The following NPAS3 variants were observed in gnomAD, a reference collection of about 807,000 sequenced individuals.
The protein encoded by NPAS3 is neuronal PAS domain protein 3, also known as neuronal PAS domain-containing protein 3.
A neutral mutation model predicts 73.1 loss-of-function variants in NPAS3; 14 were observed. The observed-to-expected ratio is 0.19, with a 90% CI of 0.13 to 0.30. NPAS3 has a LOEUF of 0.30. Among genes scored for constraint, NPAS3 ranks in the 10% least tolerant of loss-of-function variants. The pLI, the probability that NPAS3 is intolerant of heterozygous loss-of-function variation, is 1.00. For synonymous variants in NPAS3, 620 were observed against 541.5 expected (o/e 1.14, Z -2.01); for missense variants, 1,096 against 1,250.0 (o/e 0.88, Z 1.86).
chr14:33,364,068 T>C (rs1033004387), intron 3 of NPAS3, among the ~76,000 whole-genome samples: 5 of 152,156 alleles, frequency 3.3e-5, no homozygotes, highest in Admixed American at 3.3e-4. Flanking sequence ...TGTGACCCGT[T>C]CGGCAATAGT....
In NPAS3 at chr14:32,972,622, G is replaced by C. The variant is rs181632132; in HGVS notation, c.50+33256G>C. Among the ~76,000 whole-genome samples, 12 of 152,284 alleles carry C rather than the reference G, an allele frequency of 7.9e-5. No homozygotes were observed. In the South Asian group the frequency reaches 2.5e-3, roughly 32 times the overall value. Reference sequence around the variant, plus strand: ...ATGCTGAATCCAGCAGGTTGCCCCTGCTCACCCATTGCTCTCCCTCTTATT... The same window carrying C: ...ATGCTGAATCCAGCAGGTTGCCCCTCCTCACCCATTGCTCTCCCTCTTATT... On this transcript the variant is annotated intron_variant, in intron 1 of 11. Coordinates refer to ENST00000356141, the Ensembl canonical transcript of NPAS3.
chr14:33,175,228 G>T (rs1237902036), intron 2 of NPAS3, among the ~76,000 whole-genome samples: 1 of 152,058 alleles, frequency 6.6e-6, no homozygotes, highest in Non-Finnish European at 1.5e-5. Flanking sequence ...AAATGTTTTT[G>T]ACAAAGTTTT....
At chr14:33,388,457 A>T (rs1367011212) in intron 4 of NPAS3, among the ~76,000 whole-genome samples, 1 of 151,574 alleles carries the variant, frequency 6.6e-6, no homozygotes, top group Admixed American at 6.6e-5. Context: ...TGAAAAAAAA[A>T]TTAATTTGGA....
intron 2 of NPAS3, among the ~76,000 whole-genome samples, chr14:33,094,623 G>A (rs2138839666): frequency 6.6e-6 from 1 of 152,070 alleles, no homozygotes; most frequent in East Asian, 1.9e-4. Flanking sequence ...CTGCCATCAT[G>A]CCCAGCTAAT....
At chr14:33,457,842 TG>T (rs1227344026) in intron 4 of NPAS3, among the ~76,000 whole-genome samples, 1 of 152,148 alleles carries the variant, frequency 6.6e-6, no homozygotes, top group Non-Finnish European at 1.5e-5. Context: ...TTTACTAAGG[TG>T]GGGCAGCACC....
At chr14:33,771,674 T>C (rs976941963) in intron 7 of NPAS3, among the ~76,000 whole-genome samples, 2 of 151,966 alleles carry the variant, frequency 1.3e-5, no homozygotes, top group Non-Finnish European at 2.9e-5. Context: ...TAGCTGGGCA[T>C]GGTGGCGGGG....
At chr14:33,281,360 G>A (rs1263249601) in intron 3 of NPAS3, among the ~76,000 whole-genome samples, 1 of 152,164 alleles carries the variant, frequency 6.6e-6, no homozygotes, top group Non-Finnish European at 1.5e-5. Flanking sequence ...GCTGGGCATG[G>A]TGGCTCATGC....
At position 33,778,591 on chromosome 14, in the gene NPAS3, G is replaced by T. The variant is rs1191666687; in HGVS notation, c.1153+19G>T. ...TTGGACTGTAAGTACCTCCTGTGTGGGGGAATAACCCCGGCTGGTGTCAGC... is the reference window on the plus strand; with the variant it reads ...TTGGACTGTAAGTACCTCCTGTGTGTGGGAATAACCCCGGCTGGTGTCAGC... On this transcript the variant is annotated intron_variant, in intron 9 of 11. Coordinates refer to ENST00000356141, the Ensembl canonical transcript of NPAS3. The T allele has an allele frequency of 6.5e-7, 1 of 1,539,094 alleles. No homozygotes were observed. Among genetic ancestry groups the T allele is most frequent in the South Asian group, 1.1e-5 (1 of 89,594 alleles).
At chr14:33,474,573 G>A (rs917661242) in intron 4 of NPAS3, among the ~76,000 whole-genome samples, 4 of 152,006 alleles carry the variant, frequency 2.6e-5, no homozygotes, top group Admixed American at 6.6e-5. Flanking sequence ...AAAATAGATT[G>A]CTTTTTAATT....
At chr14:33,625,776 A>AAAC (rs1166367991) in intron 5 of NPAS3, among the ~76,000 whole-genome samples, 1 of 152,216 alleles carries the variant, frequency 6.6e-6, no homozygotes. Flanking sequence ...TATTGTCTCC[A>AAAC]AATAATAATA....
intron 1 of NPAS3, among the ~76,000 whole-genome samples, chr14:33,023,938 G>T (rs1177356993): frequency 6.6e-6 from 1 of 151,960 alleles, no homozygotes; most frequent in East Asian, 1.9e-4. Context: ...CTAATGTAGG[G>T]GTGCAAAGAT....
intron 5 of NPAS3, among the ~76,000 whole-genome samples, chr14:33,633,424 T>G (rs1226171096): frequency 6.6e-6 from 1 of 152,184 alleles, no homozygotes; most frequent in African/African-American, 2.4e-5. Context: ...GGGAATATGT[T>G]CTGAGAAATG....
At chr14:33,548,330 T>A (rs764830579) in intron 4 of NPAS3, among the ~76,000 whole-genome samples, 48 of 152,224 alleles carry the variant, frequency 3.2e-4, no homozygotes, top group Admixed American at 1.0e-3. Context: ...ATTTTTAAAT[T>A]ATTTTTGTTC....
intron 4 of NPAS3, among the ~76,000 whole-genome samples, chr14:33,472,853 A>T (rs150399969): frequency 3.3e-5 from 5 of 150,944 alleles, no homozygotes; most frequent in African/African-American, 1.2e-4. Flanking sequence ...TTTATTATTG[A>T]TATGATTATA....
At chr14:33,502,160 T>G (rs183246920) in intron 4 of NPAS3, among the ~76,000 whole-genome samples, 14 of 152,066 alleles carry the variant, frequency 9.2e-5, no homozygotes, top group African/African-American at 3.1e-4. Context: ...TCTGCTAAAT[T>G]AAAAGCAAAT....
intron 5 of NPAS3, among the ~76,000 whole-genome samples, chr14:33,647,269 ACTCTCTCTCT>A (rs536728235): frequency 6.8e-6 from 1 of 148,058 alleles, no homozygotes; most frequent in African/African-American, 2.5e-5. Flanking sequence ...ACATCTTCTT[ACTCTCTCTCT>A]CTCTCTCTCT....
intron 4 of NPAS3, among the ~76,000 whole-genome samples, chr14:33,374,649 T>C (rs1341242597): frequency 6.7e-6 from 1 of 149,050 alleles, no homozygotes; most frequent in Non-Finnish European, 1.5e-5. Flanking sequence ...GGGGAAAATA[T>C]GCTGGATTTA....
chr14:33,182,528 G>A (rs1463152885), intron 2 of NPAS3, among the ~76,000 whole-genome samples: 1 of 152,082 alleles, frequency 6.6e-6, no homozygotes, highest in Non-Finnish European at 1.5e-5. Flanking sequence ...AAGTATAGTT[G>A]TATTACTTGA....
intron 5 of NPAS3, among the ~76,000 whole-genome samples, chr14:33,666,381 A>G (rs1595392695): frequency 6.6e-6 from 1 of 152,316 alleles, no homozygotes; most frequent in South Asian, 2.1e-4. Context: ...TTACTGTCCC[A>G]GATGCTTTTG....
Sources: allele counts gnomAD v4.1 joint callset (sites outside exome capture counted in the v4.1 genomes callset), GRCh38; gene constraint gnomAD v4.1.1; transcripts MANE v1.5; gene names NCBI Gene and HGNC (gene_info 2026-07-23, HGNC 2026-07-21).